WASHC3: variants seen among roughly 807,000 people sequenced by gnomAD.
WASHC3 encodes the protein WASH complex subunit CCDC53.
A neutral mutation model predicts 26.1 loss-of-function variants in WASHC3; 24 were observed. The observed-to-expected ratio is 0.92, with a 90% CI of 0.66 to 1.29. WASHC3 has a LOEUF of 1.29. WASHC3 is among the 50% of genes most tolerant of loss of function. The probability of loss-of-function intolerance (pLI) is 0.00; values close to 1 mark genes in which losing one functional copy is unlikely to be tolerated. For missense variants in WASHC3, 214 were observed against 229.6 expected (o/e 0.93, Z 0.44); for synonymous variants, 77 against 75.7 (o/e 1.02, Z -0.09).
At chr12:102,042,188 G>A (rs1877966466) in intron 4 of WASHC3, among the ~76,000 whole-genome samples, 1 of 152,098 alleles carries the variant, frequency 6.6e-6, no homozygotes, top group Non-Finnish European at 1.5e-5. Context: ...ATTTAATTGA[G>A]AGAATGTAAA....
rs187286810 is a variant in WASHC3 at position 102,049,653 on chromosome 12, A to G, written c.151-3534T>C. 2.6e-5 allele frequency among the ~76,000 whole-genome samples: 4 copies of G among 152,350 alleles called. No homozygotes were observed. The East Asian group carries it at 7.7e-4, about 29-fold the overall frequency. On this transcript the variant is annotated intron_variant, in intron 2 of 6. Coordinates refer to ENST00000240079, the MANE Select transcript of WASHC3 (RefSeq NM_016053.4). ...TGCTGGTTTTTCATGGTTGTAAAATATCTTGTTTATATATCCATTTCTCTA... is the reference window on the plus strand; with the variant it reads ...TGCTGGTTTTTCATGGTTGTAAAATGTCTTGTTTATATATCCATTTCTCTA...
chr12:102,036,035 G>T (rs575513318), intron 5 of WASHC3, among the ~76,000 whole-genome samples: 1 of 152,304 alleles, frequency 6.6e-6, no homozygotes, highest in South Asian at 2.1e-4. Flanking sequence ...AGCTTATATA[G>T]GGAATGGTTT....
intron 5 of WASHC3, among the ~76,000 whole-genome samples, chr12:102,027,201 A>G (rs907608804): frequency 6.6e-6 from 1 of 152,216 alleles, no homozygotes; most frequent in African/African-American, 2.4e-5. Context: ...ATTCTCTCCC[A>G]TAGCTATTTT....
chr12:102,046,155 T>C (rs757853195), intron 2 of WASHC3, 36 bp from the exon 3 acceptor site: 6 of 1,233,940 alleles, frequency 4.9e-6, no homozygotes, highest in Admixed American at 2.0e-5. Flanking sequence ...AAGACTTTAA[T>C]TAAAATAAAC....
intron 2 of WASHC3, chr12:102,050,109 T>A (rs1348372508): frequency 3.4e-6 from 1 of 290,758 alleles, no homozygotes; most frequent in Non-Finnish European, 6.8e-6. Context: ...GCTCAGGAGT[T>A]CAAGACCAGC....
intron 2 of WASHC3, among the ~76,000 whole-genome samples, chr12:102,047,638 G>GA (rs565216613): frequency 1.0e-3 from 154 of 151,956 alleles, no homozygotes; most frequent in African/African-American, 3.5e-3. Context: ...ATTCACTAGA[G>GA]AAAAAATTCC....
intron 5 of WASHC3, among the ~76,000 whole-genome samples, chr12:102,036,563 C>T (rs1455661038): frequency 1.3e-5 from 2 of 151,918 alleles, no homozygotes; most frequent in Admixed American, 6.6e-5. Context: ...CTAAACAATT[C>T]GAAACAGAAT....
At chr12:102,058,173 C>G (rs145872237) in intron 2 of WASHC3, among the ~76,000 whole-genome samples, 3 of 152,152 alleles carry the variant, frequency 2.0e-5, no homozygotes, top group Non-Finnish European at 2.9e-5. Context: ...TTAAGAATAA[C>G]AGTCTCAATA....
intron 2 of WASHC3, chr12:102,050,452 T>C (rs1878344909): frequency 2.9e-6 from 1 of 344,970 alleles, no homozygotes; most frequent in Admixed American, 3.2e-5. Context: ...ATGCCATCTC[T>C]AACACACACA....
At chr12:102,040,030 T>C in intron 4 of WASHC3, 52 bp from the exon 5 acceptor site, 1 of 783,540 alleles carries the variant, frequency 1.3e-6, no homozygotes, top group Non-Finnish European at 2.1e-6. Context: ...AAGGGGTCTA[T>C]CATGTTACTT....
chr12:102,045,595 T>A (rs907521510), intron 3 of WASHC3, among the ~76,000 whole-genome samples: 2 of 152,248 alleles, frequency 1.3e-5, no homozygotes, highest in Non-Finnish European at 1.5e-5. Flanking sequence ...TTCTTAGTTA[T>A]TATTTGCAAT....
At chr12:102,016,389 G>A (rs1246005063) in intron 6 of WASHC3, among the ~76,000 whole-genome samples, 8 of 151,406 alleles carry the variant, frequency 5.3e-5, no homozygotes, top group African/African-American at 1.9e-4. Flanking sequence ...ATTTTTAGTA[G>A]TGATGGGGTT....
At position 102,061,233 on chromosome 12, in the gene WASHC3, T is replaced by A; in HGVS notation, c.150+15A>T. On this transcript the variant is annotated intron_variant, in intron 2 of 6. Transcript: ENST00000240079. ...ATTTCCAGGCGACTCTATAAACCAGTATCACCGGACCTACCTCCTCACAAA... is the reference window on the plus strand; with the variant it reads ...ATTTCCAGGCGACTCTATAAACCAGAATCACCGGACCTACCTCCTCACAAA... 6.4e-7 allele frequency: 1 copy of A among 1,569,662 alleles called. No homozygotes were observed. Among genetic ancestry groups the A allele is most frequent in the Non-Finnish European group, 8.8e-7 (1 of 1,139,738 alleles).
At chr12:102,017,298 C>A (rs990046337) in intron 6 of WASHC3, among the ~76,000 whole-genome samples, 3 of 152,046 alleles carry the variant, frequency 2.0e-5, no homozygotes, top group African/African-American at 7.3e-5. Flanking sequence ...GACAAAATCA[C>A]CTACAATGCA....
chr12:102,050,807 C>A (rs895882247), intron 2 of WASHC3, among the ~76,000 whole-genome samples: 1 of 152,204 alleles, frequency 6.6e-6, no homozygotes, highest in African/African-American at 2.4e-5. Flanking sequence ...TTGCTTCCTG[C>A]CAACCCCTCA....
chr12:102,035,815 G>C (rs2121388136), intron 5 of WASHC3, among the ~76,000 whole-genome samples: 1 of 152,278 alleles, frequency 6.6e-6, no homozygotes, highest in Middle Eastern at 3.4e-3. Context: ...ATAAAACAGA[G>C]TATTAAGTGA....
intron 5 of WASHC3, among the ~76,000 whole-genome samples, chr12:102,034,482 T>C (rs1370820421): frequency 6.6e-6 from 1 of 152,164 alleles, no homozygotes. Context: ...CACAACTAGC[T>C]ATGCAGATAC....
At chr12:102,041,474 A>T (rs550727164) in intron 4 of WASHC3, among the ~76,000 whole-genome samples, 193 of 152,220 alleles carry the variant, frequency 1.3e-3, no homozygotes, top group Admixed American at 3.1e-3. Context: ...GTGAATAATG[A>T]TGAAATCTGA....
At position 102,031,712 on chromosome 12, in the gene WASHC3, A is replaced by G. The variant is rs534815321; in HGVS notation, c.436-5674T>C. On this transcript the variant is annotated intron_variant, in intron 5 of 6. Transcript: ENST00000240079. ...CATCCCACAAACCTTCATGTACTCAAAAAATACTGATCTTGATATTGATTA... is the reference window on the plus strand; with the variant it reads ...CATCCCACAAACCTTCATGTACTCAGAAAATACTGATCTTGATATTGATTA... Among the ~76,000 whole-genome samples, 4 of 152,284 alleles carry G rather than the reference A, an allele frequency of 2.6e-5. No homozygotes were observed. The South Asian group carries it at 6.2e-4, about 24-fold the overall frequency.
Sources: gnomAD v4.1 joint callset for allele counts (sites outside exome capture counted in the v4.1 genomes callset) on GRCh38, gnomAD v4.1.1 for gene constraint, MANE v1.5 for transcripts, NCBI Gene and HGNC (gene_info 2026-07-23, HGNC 2026-07-21) for gene names.